The following SORCS3 variants were observed in gnomAD, a reference collection of about 807,000 sequenced individuals.
SORCS3 encodes the protein sortilin related VPS10 domain containing receptor 3.
Under a neutral mutation model 146.3 loss-of-function variants are expected in SORCS3, and 57 were observed. The ratio of observed to expected loss-of-function variants is 0.39; its 90% confidence interval spans 0.31 to 0.49. The LOEUF (loss-of-function observed/expected upper bound fraction) is 0.49, where lower values mean the gene tolerates loss of function less well. SORCS3 is among the 20% of genes least tolerant of loss of function. SORCS3 has a pLI of 0.92. For synonymous variants in SORCS3, 653 were observed against 618.5 expected, an observed-to-expected ratio of 1.06 and a Z score of -0.83; for missense variants, 1,341 against 1,575.5, an observed-to-expected ratio of 0.85 and a Z score of 2.52.
chr10:105,071,837 G>A (rs1295648089), intron 5 of SORCS3, among the ~76,000 whole-genome samples: 1 of 152,186 alleles, frequency 6.6e-6, no homozygotes, highest in Non-Finnish European at 1.5e-5. Flanking sequence ...AGGAAACGAA[G>A]GCTTAAGTTT....
At chr10:104,691,312 C>T (rs1198000717) in intron 1 of SORCS3, among the ~76,000 whole-genome samples, 1 of 152,146 alleles carries the variant, frequency 6.6e-6, no homozygotes, top group Non-Finnish European at 1.5e-5. Flanking sequence ...AAAAAGACTA[C>T]AGTGGGAGGA....
At chr10:104,967,848 T>A (rs2054834982) in intron 3 of SORCS3, among the ~76,000 whole-genome samples, 1 of 151,300 alleles carries the variant, frequency 6.6e-6, no homozygotes, top group Admixed American at 6.6e-5. Context: ...TTGATAGAGT[T>A]GAGGTTTCAC....
At chr10:104,949,028 A>G (rs928915551) in intron 3 of SORCS3, among the ~76,000 whole-genome samples, 2 of 152,180 alleles carry the variant, frequency 1.3e-5, no homozygotes, top group African/African-American at 4.8e-5. Flanking sequence ...TTGATTAGTC[A>G]TCATTTGGGA....
At chr10:104,964,470 C>A (rs2054815513) in intron 3 of SORCS3, among the ~76,000 whole-genome samples, 1 of 152,108 alleles carries the variant, frequency 6.6e-6, no homozygotes, top group Non-Finnish European at 1.5e-5. Flanking sequence ...ACTTATTTGT[C>A]TATCTGTTGT....
intron 3 of SORCS3, among the ~76,000 whole-genome samples, chr10:104,935,447 G>C (rs2019250726): frequency 6.6e-6 from 1 of 152,174 alleles, no homozygotes; most frequent in Admixed American, 6.5e-5. Context: ...CATCTAGGGT[G>C]GGGTCCAGGG....
chr10:105,080,198 CACCTCA>C, intron 5 of SORCS3, among the ~76,000 whole-genome samples: 1 of 152,302 alleles, frequency 6.6e-6, no homozygotes, highest in Admixed American at 6.5e-5. Flanking sequence ...ATTCTATTTT[CACCTCA>C]ACCTCACCAG....
chr10:104,999,330 A>G (rs1027916276), intron 4 of SORCS3, among the ~76,000 whole-genome samples: 1 of 152,168 alleles, frequency 6.6e-6, no homozygotes, highest in East Asian at 1.9e-4. Flanking sequence ...GCTGCCAAGT[A>G]GTTTTGATTT....
chr10:104,722,269 C>T (rs2016559091), intron 1 of SORCS3, among the ~76,000 whole-genome samples: 1 of 152,054 alleles, frequency 6.6e-6, no homozygotes, highest in Non-Finnish European at 1.5e-5. Context: ...TGTTTATATG[C>T]TGGATTATGT....
chr10:105,211,614 T>C (rs1043025744), intron 17 of SORCS3, among the ~76,000 whole-genome samples: 11 of 152,314 alleles, frequency 7.2e-5, no homozygotes, highest in Admixed American at 5.9e-4. Flanking sequence ...AAAGATGAAC[T>C]GAAACTCTGT....
chr10:105,122,203 C>T (rs567924233), intron 7 of SORCS3, among the ~76,000 whole-genome samples: 7 of 152,270 alleles, frequency 4.6e-5, no homozygotes, highest in African/African-American at 1.4e-4. Flanking sequence ...TTCCCATTAC[C>T]GCTCTAATTA....
At chr10:104,697,536 A>G (rs994129779) in intron 1 of SORCS3, among the ~76,000 whole-genome samples, 2 of 152,162 alleles carry the variant, frequency 1.3e-5, no homozygotes, top group Admixed American at 6.6e-5. Context: ...GTCATTCTTC[A>G]TGTCACAGAA....
intron 2 of SORCS3, among the ~76,000 whole-genome samples, chr10:104,867,874 C>CA (rs1466895129): frequency 6.6e-6 from 1 of 152,144 alleles, no homozygotes; most frequent in Admixed American, 6.5e-5. Flanking sequence ...CTGTAATTGC[C>CA]AAAATTGACC....
chr10:104,922,401 G>C (rs186079886), intron 3 of SORCS3, among the ~76,000 whole-genome samples: 1 of 152,182 alleles, frequency 6.6e-6, no homozygotes, highest in Non-Finnish European at 1.5e-5. Context: ...ATTCACCTGG[G>C]CAGACAAGAT....
chr10:105,016,153 A>ATTT (rs1242064422), intron 4 of SORCS3, among the ~76,000 whole-genome samples: 9 of 101,434 alleles, frequency 8.9e-5, no homozygotes, highest in African/African-American at 3.6e-4. Context: ...ATATATATAT[A>ATTT]TATTTTTTTT....
intron 7 of SORCS3, among the ~76,000 whole-genome samples, chr10:105,107,244 T>C (rs1351716309): frequency 2.0e-5 from 3 of 152,130 alleles, no homozygotes; most frequent in Non-Finnish European, 2.9e-5. Flanking sequence ...GTGATTTCTG[T>C]AGTGTTTCCT....
At chr10:104,995,898 A>G (rs755958876) in intron 4 of SORCS3, among the ~76,000 whole-genome samples, 1 of 152,210 alleles carries the variant, frequency 6.6e-6, no homozygotes, top group African/African-American at 2.4e-5. Context: ...TTTTATGTTT[A>G]GGCCAATAAT....
chr10:105,240,341 G>C (rs963635246), intron 20 of SORCS3, among the ~76,000 whole-genome samples: 1 of 152,210 alleles, frequency 6.6e-6, no homozygotes, highest in Non-Finnish European at 1.5e-5. Flanking sequence ...ATTCTCTAAA[G>C]AGAAAACTAT....
intron 1 of SORCS3, among the ~76,000 whole-genome samples, chr10:104,718,608 G>T (rs12256390): frequency 0.27 from 41,553 of 151,964 alleles, 6,128 homozygotes; most frequent in East Asian, 0.63. Context: ...CTTCCCTATG[G>T]TATCTACTGC....
chr10:105,113,190 G>A (rs1589639061), intron 7 of SORCS3, among the ~76,000 whole-genome samples: 1 of 152,308 alleles, frequency 6.6e-6, no homozygotes, highest in East Asian at 1.9e-4. Flanking sequence ...TTGCAGCCCT[G>A]TTGGCTGCAT....
Sources: gnomAD v4.1 joint callset for allele counts (sites outside exome capture counted in the v4.1 genomes callset) on GRCh38, gnomAD v4.1.1 for gene constraint, MANE v1.5 for transcripts, NCBI Gene and HGNC (gene_info 2026-07-23, HGNC 2026-07-21) for gene names.